Variants in AZIN2 observed in about 807,000 individuals in gnomAD.
AZIN2 encodes ODC antizyme inhibitor-2.
In AZIN2, 28 loss-of-function variants were observed where a neutral mutation model predicts 47.8. The ratio of observed to expected loss-of-function variants is 0.59; its 90% CI spans 0.43 to 0.80. The LOEUF (loss-of-function observed/expected upper bound fraction) is 0.80. Among genes scored for constraint, AZIN2 ranks in the 30% least tolerant of loss-of-function variants. AZIN2 has a pLI of 0.00. For synonymous variants in AZIN2, 221 were observed against 239.4 expected (o/e 0.92, Z 0.71); for missense variants, 535 against 582.5 (o/e 0.92, Z 0.84).
chr1:33,084,127 G>T lies in AZIN2; in HGVS notation c.279G>T (p.Lys93Asn). ...QLGLGFSCAN[K>N]AEMELVQHIG... ...GGCTGGGCTTTAGCTGTGCCAACAAGGTGAGCCCTGCCCGCACGGTGCACT... is the reference window on the plus strand; with the variant it reads ...GGCTGGGCTTTAGCTGTGCCAACAATGTGAGCCCTGCCCGCACGGTGCACT... The change falls in exon 5 of 12, where the codon AAG (lysine) becomes AAT (asparagine). Residue 93 changes from lysine (K) to asparagine (N), a missense_variant and splice_region_variant. Physicochemically the swap from Lys to Asn is moderately conservative, Grantham distance 94 (BLOSUM62 0). Coordinates refer to ENST00000294517, the MANE Select transcript of AZIN2 (RefSeq NM_052998.4). The T allele has an allele frequency of 6.2e-7, 1 of 1,609,108 alleles. No individual in the cohort carries two copies. The highest frequency in any genetic ancestry group is 8.5e-7 in the Non-Finnish European group (1 of 1,179,986).
chr1:33,150,235 C>T, the AZIN2 span, among the ~76,000 whole-genome samples: 280 of 152,312 alleles, frequency 1.8e-3, 2 homozygotes, highest in African/African-American at 6.4e-3. Context: ...ACATCCAGCT[C>T]TCTGGCTCTT....
At chr1:33,163,340 A>AT in the AZIN2 span, 60 of 151,144 alleles carry the variant, frequency 4.0e-4, no homozygotes, top group Non-Finnish European at 6.3e-4. Flanking sequence ...TGCCTGGCCG[A>AT]TTTTTTTTTC....
chr1:33,165,622 C>T, the AZIN2 span: 1 of 1,456,108 alleles, frequency 6.9e-7, no homozygotes, highest in Non-Finnish European at 9.3e-7. This position sits in a 1 kb window ranked among gnomAD's most constrained non-coding sequence, Gnocchi z 4.0. Flanking sequence ...CCCAGGCATT[C>T]AGCCCTGACC....
the AZIN2 span, among the ~76,000 whole-genome samples, chr1:33,136,113 C>CCCTTCCTTCCTTGCTTCCTT: frequency 1.9e-5 from 2 of 103,512 alleles, no homozygotes; most frequent in African/African-American, 3.9e-5. Flanking sequence ...CAGGGGCCAG[C>CCCTTCCTTCCTTGCTTCCTT]CCTTCCTTCC....
At chr1:33,117,551 T>C (rs1181680468) in intron 10 of AZIN2, among the ~76,000 whole-genome samples, 1 of 152,230 alleles carries the variant, frequency 6.6e-6, no homozygotes, top group Non-Finnish European at 1.5e-5. Flanking sequence ...CTGTTCTACA[T>C]GCTCTCCATA....
At position 33,113,400 on chromosome 1, in the gene AZIN2, G is replaced by A. The variant is rs936171340; in HGVS notation, c.1030-4502G>A. 3.3e-5 allele frequency among the ~76,000 whole-genome samples: 5 copies of A among 152,162 alleles called. No homozygotes were observed. Among genetic ancestry groups the A allele is most frequent in the Non-Finnish European group, 7.3e-5 (5 of 68,036 alleles). ...TTTCCCTGTGTTTTTGAGCTGAGATGCTGGCTTGCATTCTAAAATTCATTG... is the reference window on the plus strand; with the variant it reads ...TTTCCCTGTGTTTTTGAGCTGAGATACTGGCTTGCATTCTAAAATTCATTG... On this transcript the variant is annotated intron_variant, in intron 10 of 11. Transcript: ENST00000294517. This position sits in a 1 kb window ranked among gnomAD's most constrained non-coding sequence, Gnocchi z 4.1.
At chr1:33,127,735 A>G (rs981670293), downstream of AZIN2, among the ~76,000 whole-genome samples, 2 of 152,222 alleles carry the variant, frequency 1.3e-5, no homozygotes, top group African/African-American at 4.8e-5. Context: ...TATGCGAGGG[A>G]AAACACCTGC....
intron 10 of AZIN2, among the ~76,000 whole-genome samples, chr1:33,116,451 G>A (rs1644545016): frequency 2.6e-5 from 4 of 151,968 alleles, no homozygotes; most frequent in African/African-American, 9.7e-5. Flanking sequence ...TATGCCCTTT[G>A]GATGGCTTCC....
chr1:33,137,501 G>A, the AZIN2 span, among the ~76,000 whole-genome samples: 6 of 152,134 alleles, frequency 3.9e-5, no homozygotes, highest in Non-Finnish European at 5.9e-5. Flanking sequence ...TGAAAACATG[G>A]ATTCCAGTTG....
rs1054252887 is a variant in AZIN2 at position 33,113,277 on chromosome 1, A to AT, written c.1030-4618dup. Among the ~76,000 whole-genome samples, 5 of 152,064 alleles carry AT rather than the reference A, an allele frequency of 3.3e-5. No homozygotes were observed. The highest frequency in any genetic ancestry group is 6.6e-5 in the Admixed American group (1 of 15,258). On this transcript the variant is annotated intron_variant, in intron 10 of 11. Transcript: ENST00000294517. The surrounding 1 kb of genome is among the most constrained non-coding windows in gnomAD (Gnocchi z 4.1). ...GCCACCGCGCCCAGCTGGTTTTATT[A>AT]TTTTTTTATTGTTTTATTTGAATAA...
intron 4 of AZIN2, chr1:33,083,471 A>G: frequency 4.4e-6 from 1 of 227,628 alleles, no homozygotes; most frequent in African/African-American, 2.2e-5. Flanking sequence ...AGTGAGCTGT[A>G]GGTCATAGCT....
downstream of AZIN2, among the ~76,000 whole-genome samples, chr1:33,124,362 G>A (rs1406580102): frequency 1.3e-5 from 2 of 151,958 alleles, no homozygotes; most frequent in African/African-American, 2.4e-5. The surrounding 1 kb of genome is among the most constrained non-coding windows in gnomAD (Gnocchi z 4.6). Context: ...GAAGAAGCAC[G>A]TCAGGATCTT....
rs1373864087 is a variant in AZIN2 at position 33,120,832 on chromosome 1, G to A, written c.*650G>A. Among the ~76,000 whole-genome samples, 1 of 152,254 alleles carries A rather than the reference G, an allele frequency of 6.6e-6. No homozygotes were observed. Among genetic ancestry groups the A allele is most frequent in the Non-Finnish European group, 1.5e-5 (1 of 68,046 alleles). Reference sequence around the variant, plus strand: ...CAGCTTAAGGCCTGGCCCAGAGTAGGGGCAATGGAGTATTTAACACAGCTG... The same window carrying A: ...CAGCTTAAGGCCTGGCCCAGAGTAGAGGCAATGGAGTATTTAACACAGCTG... On this transcript the variant is annotated 3_prime_UTR_variant, in exon 12 of 12. Transcript: ENST00000294517.
In AZIN2 at chr1:33,117,785, G is replaced by A. The variant is rs1245397969; in HGVS notation, c.1030-117G>A. 5 of 1,112,576 alleles carry A rather than the reference G, an allele frequency of 4.5e-6. No individual in the cohort carries two copies. In the East Asian group the frequency reaches 7.0e-5, roughly 16 times the overall value. The allele number at this position is 1,112,576 out of a possible 1,614,324, so 68.9% of individuals were successfully genotyped here. On this transcript the variant is annotated intron_variant, in intron 10 of 11. Coordinates refer to ENST00000294517, the MANE Select transcript of AZIN2 (RefSeq NM_052998.4). ...AAGGGCCTTAAATGCTAAGCTAGGA[G>A]GCCCATCTAGACTTTATCCTGTTGG...
rs1370807623 is a variant in AZIN2, at chr1:33,083,966, G to T, written c.118G>T (p.Ala40Ser). 6.2e-7 allele frequency: 1 copy of T among 1,614,152 alleles called. No homozygotes were observed. Among genetic ancestry groups the T allele is most frequent in the Non-Finnish European group, 8.5e-7 (1 of 1,180,036 alleles). The change falls in exon 5 of 12, where the codon GCC becomes TCC. Residue 40 changes from alanine to serine, a missense_variant. Ala to Ser is a moderately conservative substitution (Grantham distance 99, BLOSUM62 1). This residue lies in a region of AZIN2 where 409 missense variants were observed against 429.0 expected (regional missense o/e 0.95). Transcript: ENST00000294517. Reference sequence around the variant, plus strand: ...TCTTGTCATTCAGGACGAGGTAGCTGCCTTCTTCGTGGCTGACCTGGGTGC... The same window carrying T: ...TCTTGTCATTCAGGACGAGGTAGCTTCCTTCTTCGTGGCTGACCTGGGTGC... ...ASQATTDEVA[A>S]FFVADLGAIV...
the AZIN2 span, among the ~76,000 whole-genome samples, chr1:33,160,413 T>A: frequency 1.4e-3 from 206 of 152,122 alleles, no homozygotes; most frequent in African/African-American, 4.7e-3. Flanking sequence ...TTATTATTAT[T>A]AGTTTTTTGA....
chr1:33,093,929 C>T (rs1642859757), intron 7 of AZIN2, among the ~76,000 whole-genome samples: 1 of 152,050 alleles, frequency 6.6e-6, no homozygotes, highest in Admixed American at 6.5e-5. Flanking sequence ...GATGGGGTCT[C>T]ACTTTATTGC....
At chr1:33,150,622 G>A in the AZIN2 span, among the ~76,000 whole-genome samples, 1 of 152,214 alleles carries the variant, frequency 6.6e-6, no homozygotes, top group East Asian at 1.9e-4. Flanking sequence ...CGGCCACTGA[G>A]TTGGTGGCTG....
chr1:33,081,950 A>C lies in AZIN2; in HGVS notation c.-73+138A>C, dbSNP rs571982211. 5.1e-6 allele frequency: 2 copies of C among 392,122 alleles called. No individual in the cohort carries two copies. The highest frequency in any genetic ancestry group is 9.6e-6 in the Non-Finnish European group (2 of 208,040). The allele number at this position is 392,122 out of a possible 1,614,324, so 24.3% of individuals were successfully genotyped here. On this transcript the variant is annotated intron_variant, in intron 3 of 11. Coordinates refer to ENST00000294517, the MANE Select transcript of AZIN2 (RefSeq NM_052998.4). This position sits in a 1 kb window ranked among gnomAD's most constrained non-coding sequence, Gnocchi z 4.2. ...GAAGGCTCTCCAAAACAATTCATCCATTTTACAGAGGGAGCAACTGACTCG... is the reference window on the plus strand; with the variant it reads ...GAAGGCTCTCCAAAACAATTCATCCCTTTTACAGAGGGAGCAACTGACTCG...
Sources: gnomAD v4.1 joint callset for allele counts (sites outside exome capture counted in the v4.1 genomes callset) on GRCh38, gnomAD v4.1.1 for gene constraint, gnomAD v4.1.1 regional missense constraint, Gnocchi (gnomAD v3.1) non-coding constraint, MANE v1.5 for transcripts, NCBI Gene and HGNC (gene_info 2026-07-23, HGNC 2026-07-21) for gene names.